The following DOCK6 variants were observed in gnomAD, a reference collection of about 807,000 sequenced individuals.
The protein encoded by DOCK6 is dedicator of cytokinesis 6, also known as dedicator of cytokinesis protein 6.
A neutral mutation model predicts 230.3 loss-of-function variants in DOCK6; 167 were observed. That is an observed-to-expected ratio of 0.73 (90% confidence interval 0.64 to 0.82). The LOEUF is 0.82. Ranked by LOEUF, DOCK6 falls within the 40% of genes least tolerant of loss-of-function variation. The pLI, the probability that DOCK6 is intolerant of heterozygous loss-of-function variation, is 0.00. For synonymous variants in DOCK6, 1,148 were observed against 1,185.0 expected (o/e 0.97, Z 0.64); for missense variants, 2,598 against 2,825.8 (o/e 0.92, Z 1.83).
chr19:11,246,352 C>T (rs1164792641), intron 7 of DOCK6, among the ~76,000 whole-genome samples: 2 of 151,964 alleles, frequency 1.3e-5, no homozygotes, highest in Non-Finnish European at 2.9e-5. Context: ...GTGATGCCCC[C>T]GCCTCTGCCT....
Position 11,215,483 on chromosome 19 carries a change from G to A in DOCK6, c.4022-12C>T. The A allele has an allele frequency of 6.2e-7, 1 of 1,609,458 alleles. No individual in the cohort carries two copies. Among genetic ancestry groups the A allele is most frequent in the South Asian group, 1.1e-5 (1 of 90,778 alleles). ...AAACGGGCTCCTCTCTGAGACGCGT[G>A]GGTGCACGATCACAGATGCGTAAAA... On this transcript the variant is annotated splice_polypyrimidine_tract_variant and intron_variant, in intron 31 of 47. Transcript: ENST00000294618.
chr19:11,250,192 G>A (rs1338038098), intron 6 of DOCK6, among the ~76,000 whole-genome samples: 1 of 151,736 alleles, frequency 6.6e-6, no homozygotes, highest in Non-Finnish European at 1.5e-5. Flanking sequence ...TGTACTTTTA[G>A]TAGAGATGGG....
rs2079182737 is a variant in DOCK6, at chr19:11,202,294, T to C, written c.5451+100A>G. The C allele has an allele frequency of 1.4e-6, 2 of 1,460,144 alleles. No homozygotes were observed. The highest frequency in any genetic ancestry group is 1.9e-6 in the Non-Finnish European group (2 of 1,066,624). The allele number at this position is 1,460,144 out of a possible 1,614,324, so 90.4% of individuals were successfully genotyped here. ...TTTGGGGTCCCTCAGTGAAATATGA[T>C]TTGGGGTTTCCCAGAGAAAGAGGAT... On this transcript the variant is annotated intron_variant, in intron 43 of 47. Transcript: ENST00000294618. This position sits in a 1 kb window ranked among gnomAD's most constrained non-coding sequence, Gnocchi z 5.3.
At position 11,199,419 on chromosome 19, in the gene DOCK6, G is replaced by C. The variant is rs1351571694; in HGVS notation, c.*78C>G. 1 of 1,527,106 alleles carries C rather than the reference G, an allele frequency of 6.5e-7. No homozygotes were observed. 94.6% of individuals were successfully genotyped at this position (1,527,106 alleles called of 1,614,324 possible). A position where few individuals can be genotyped will look rare whatever the true frequency, so the allele number is the denominator to read the frequency against. On this transcript the variant is annotated 3_prime_UTR_variant, in exon 48 of 48. Transcript: ENST00000294618. ...TCACCCCACAGCCCAGTGGGCACCA[G>C]GGCAGACTCCCCTCGCAGCACAGAC...
chr19:11,204,797 C>T (rs1488368642), intron 39 of DOCK6, among the ~76,000 whole-genome samples: 3 of 152,194 alleles, frequency 2.0e-5, no homozygotes, highest in Admixed American at 6.5e-5. Flanking sequence ...CTGCCTTGGC[C>T]TCTTGATTAG....
chr19:11,215,501 G>T (rs1013652987), intron 31 of DOCK6, 30 bp from the exon 32 acceptor site: 8 of 1,588,120 alleles, frequency 5.0e-6, no homozygotes, highest in Admixed American at 1.7e-5. Flanking sequence ...GATCACAGAT[G>T]CGTAAAAACA....
chr19:11,224,824 G>A (rs9710135), intron 24 of DOCK6, among the ~76,000 whole-genome samples: 1 of 152,228 alleles, frequency 6.6e-6, no homozygotes, highest in East Asian at 1.9e-4. Context: ...TAGCACTTTA[G>A]GAGGCTGAGG....
At position 11,236,539 on chromosome 19, in the gene DOCK6, G is replaced by A; in HGVS notation, c.2199C>T (p.Val733=). ...YLDKFFTLVH[V]LEEGAFPFRL... is the part of the protein sequence containing the mutation. ...GGAATGGGAAGGCTCCCTCCTCCAG[G>A]ACGTGCACCAGGGTGAAGAATTTGT... Residue 733 remains valine, a synonymous_variant, in exon 20 of 48, where the codon GTC becomes GTT. Coordinates refer to ENST00000294618, the MANE Select transcript of DOCK6 (RefSeq NM_020812.4). This position sits in a 1 kb window ranked among gnomAD's most constrained non-coding sequence, Gnocchi z 5.2. The A allele has an allele frequency of 1.2e-6, 2 of 1,602,438 alleles. No homozygotes were observed. Among genetic ancestry groups the A allele is most frequent in the Non-Finnish European group, 8.5e-7 (1 of 1,174,846 alleles).
chr19:11,208,948 T>G lies in DOCK6; in HGVS notation c.4907A>C (p.Asp1636Ala), dbSNP rs767150477. Residue 1636 changes from aspartate to alanine, a missense_variant, in exon 38 of 48, where the codon GAC becomes GCC. By Grantham distance (126) the Asp-to-Ala change is moderately radical. Transcript: ENST00000294618. Reference protein sequence around the residue: ...LVAEYLALLEDHRHLPVGCVS... With the variant: ...LVAEYLALLEAHRHLPVGCVS... ...GCAGCCCACGGGCAGGTGGCGGTGG[T>G]CCTCGAGCAGGGCGAGGTACTCAGC... The G allele has an allele frequency of 1.9e-6, 3 of 1,599,070 alleles. No homozygotes were observed. Among genetic ancestry groups the G allele is most frequent in the Admixed American group, 1.7e-5 (1 of 59,606 alleles).
chr19:11,228,899 TG>T (rs766261880), intron 23 of DOCK6, 40 bp downstream of exon 23: 2 of 1,601,154 alleles, frequency 1.2e-6, no homozygotes, highest in Non-Finnish European at 1.7e-6. Context: ...GGGGCTCCAC[TG>T]GGGGTCTCTT....
At chr19:11,225,858 C>T (rs1277693867) in intron 24 of DOCK6, among the ~76,000 whole-genome samples, 2 of 139,888 alleles carry the variant, frequency 1.4e-5, no homozygotes, top group African/African-American at 5.5e-5. Context: ...TAGTGAGACC[C>T]TGACTCTACT....
chr19:11,227,548 G>T (rs537705936), intron 23 of DOCK6, 71 bp from the exon 24 acceptor site: 1 of 1,508,364 alleles, frequency 6.6e-7, no homozygotes, highest in South Asian at 1.2e-5. Flanking sequence ...GGCTGTGGGT[G>T]GGGCTTGAAG....
intron 39 of DOCK6, among the ~76,000 whole-genome samples, chr19:11,206,728 T>C (rs1568668742): frequency 6.6e-6 from 1 of 152,122 alleles, no homozygotes. Context: ...GGATGACCAT[T>C]AACTTGGCCA....
At position 11,262,488 on chromosome 19, in the gene DOCK6, G is replaced by GCCGCCGCCT. The variant is rs1267372465; in HGVS notation, c.-57_-49dup. On this transcript the variant is annotated 5_prime_UTR_variant, in exon 1 of 48. Coordinates refer to ENST00000294618, the MANE Select transcript of DOCK6 (RefSeq NM_020812.4). ...CGCCCCGGGCCCCGGCCCCGCCGCCGCCGCCGCCTCCCGGTTCTGGGCAGC... is the reference window on the plus strand; with the variant it reads ...CGCCCCGGGCCCCGGCCCCGCCGCCGCCGCCGCCTCCGCCGCCTCCCGGTTCTGGGCAGC... 2 of 1,070,178 alleles carry GCCGCCGCCT rather than the reference G, an allele frequency of 1.9e-6. No homozygotes were observed. The highest frequency in any genetic ancestry group is 1.7e-5 in the African/African-American group (1 of 58,574). The allele number at this position is 1,070,178 out of a possible 1,614,324, so 66.3% of individuals were successfully genotyped here. A position where few individuals can be genotyped will look rare whatever the true frequency, so the allele number is the denominator to read the frequency against.
Position 11,217,080 on chromosome 19 carries a change from C to A in DOCK6, c.3728G>T (p.Cys1243Phe). Reference sequence around the variant, plus strand: ...CCGGCTTGACTCAGCAGAGAGGGCACAGCCTGCGCGAGAAGCCTGGGGCCA... The same window carrying A: ...CCGGCTTGACTCAGCAGAGAGGGCAAAGCCTGCGCGAGAAGCCTGGGGCCA... ...QGPPTASRAG[C>F]ALSAESSRTL... The change falls in exon 30 of 48, where the codon TGT becomes TTT. Residue 1243 changes from cysteine to phenylalanine, a missense_variant. Physicochemically the swap from Cys to Phe is radical, Grantham distance 205. Coordinates refer to ENST00000294618, the MANE Select transcript of DOCK6 (RefSeq NM_020812.4). The A allele has an allele frequency of 6.2e-7, 1 of 1,612,648 alleles. No homozygotes were observed. The highest frequency in any genetic ancestry group is 8.5e-7 in the Non-Finnish European group (1 of 1,179,516).
intron 4 of DOCK6, 60 bp downstream of exon 4, chr19:11,252,422 G>A (rs1234684534): frequency 1.3e-6 from 2 of 1,597,914 alleles, no homozygotes; most frequent in Non-Finnish European, 1.7e-6. Context: ...ACCGGCTGCA[G>A]ACATCAGCTC....
chr19:11,214,466 A>G, intron 33 of DOCK6, 57 bp from the exon 34 acceptor site: 1 of 1,613,474 alleles, frequency 6.2e-7, no homozygotes, highest in Non-Finnish European at 8.5e-7. Context: ...TTATGGGGAA[A>G]GGGAAGGAGA....
intron 33 of DOCK6, 41 bp downstream of exon 33, chr19:11,214,512 T>G (rs779871405): frequency 1.1e-5 from 17 of 1,613,400 alleles, no homozygotes; most frequent in Non-Finnish European, 1.4e-5. Context: ...GGCACTGCAG[T>G]TGGGCTCAGA....
Position 11,211,777 on chromosome 19 carries a change from T to A in DOCK6, c.4750A>T (p.Arg1584Ter). 1 of 1,549,924 alleles carries A rather than the reference T, an allele frequency of 6.5e-7. No individual in the cohort carries two copies. Among genetic ancestry groups the A allele is most frequent in the Non-Finnish European group, 8.7e-7 (1 of 1,145,534 alleles). ...AAGGTGCCAGCTGGCCCACCTCACC[T>A]GTACATGAGGTCGATGAGCATCTCA... ...DPEMLIDLMY[R>*]IARGYQGSPD... The change falls in exon 37 of 48, where the codon AGA becomes TGA. Residue 1584 changes from arginine to a stop codon, truncating the protein, a stop_gained and splice_region_variant. Coordinates refer to ENST00000294618, the MANE Select transcript of DOCK6 (RefSeq NM_020812.4). LOFTEE classifies it high-confidence loss of function.
Sources: allele counts gnomAD v4.1 joint callset (sites outside exome capture counted in the v4.1 genomes callset), GRCh38; gene constraint gnomAD v4.1.1; non-coding constraint Gnocchi (gnomAD v3.1); transcripts MANE v1.5; gene names NCBI Gene and HGNC (gene_info 2026-07-23, HGNC 2026-07-21).